Variants in ATRNL1 observed in about 807,000 individuals in gnomAD.
The protein encoded by ATRNL1 is attractin-like protein 1.
In ATRNL1, 95 loss-of-function variants were observed where a neutral mutation model predicts 182.7. The ratio of observed to expected loss-of-function variants is 0.52; its 90% CI spans 0.44 to 0.62. The LOEUF (loss-of-function observed/expected upper bound fraction) is 0.62, where lower values mean the gene tolerates loss of function less well. Among genes scored for constraint, ATRNL1 ranks in the 20% least tolerant of loss-of-function variants. The pLI, the probability that ATRNL1 is intolerant of heterozygous loss-of-function variation, is 0.00. For missense variants in ATRNL1, 1,471 were observed against 1,679.5 expected (o/e 0.88, Z 2.17); for synonymous variants, 576 against 568.3 (o/e 1.01, Z -0.19).
chr10:115,189,160 T>C (rs1414377488), intron 8 of ATRNL1, among the ~76,000 whole-genome samples: 17 of 152,182 alleles, frequency 1.1e-4, no homozygotes, highest in African/African-American at 3.9e-4. Flanking sequence ...GTGCAATGCA[T>C]TGCTCATGTG....
intron 26 of ATRNL1, among the ~76,000 whole-genome samples, chr10:115,687,749 G>A (rs1448065292): frequency 6.6e-6 from 1 of 151,924 alleles, no homozygotes; most frequent in Admixed American, 6.6e-5. Flanking sequence ...ATTATATAAT[G>A]TTCAATTCAG....
At chr10:115,746,258 A>G (rs1378896042) in intron 27 of ATRNL1, among the ~76,000 whole-genome samples, 1 of 152,112 alleles carries the variant, frequency 6.6e-6, no homozygotes, top group Non-Finnish European at 1.5e-5. Context: ...TTTTTGATTT[A>G]TCATATTAGT....
At chr10:115,812,002 G>C (rs1279841316) in intron 27 of ATRNL1, among the ~76,000 whole-genome samples, 1 of 151,834 alleles carries the variant, frequency 6.6e-6, no homozygotes, top group Non-Finnish European at 1.5e-5. Context: ...TATTTTTATG[G>C]TAAAATACAC....
intron 5 of ATRNL1, among the ~76,000 whole-genome samples, chr10:115,158,473 T>G (rs1846626714): frequency 1.3e-5 from 2 of 152,088 alleles, no homozygotes. Context: ...TATCTCTGAT[T>G]ACTAAGGAAT....
At chr10:115,122,324 G>A (rs1177496516) in intron 3 of ATRNL1, among the ~76,000 whole-genome samples, 6 of 151,710 alleles carry the variant, frequency 4.0e-5, no homozygotes, top group African/African-American at 1.5e-4. Flanking sequence ...TAGTCGTAAG[G>A]TAGATTATTA....
chr10:115,196,616 C>T (rs1336038731), intron 8 of ATRNL1, among the ~76,000 whole-genome samples: 1 of 151,816 alleles, frequency 6.6e-6, no homozygotes, highest in African/African-American at 2.4e-5. Flanking sequence ...TTATATTTTT[C>T]AATATACTGG....
intron 28 of ATRNL1, among the ~76,000 whole-genome samples, chr10:115,926,783 A>C (rs1953249615): frequency 6.6e-6 from 1 of 152,006 alleles, no homozygotes; most frequent in South Asian, 2.1e-4. Flanking sequence ...CTACCAACCA[A>C]AAAAAAGTCT....
At chr10:115,339,776 T>C (rs1855652429) in intron 19 of ATRNL1, among the ~76,000 whole-genome samples, 1 of 152,150 alleles carries the variant, frequency 6.6e-6, no homozygotes, top group Non-Finnish European at 1.5e-5. Context: ...CCTTATTGTG[T>C]TCCAGATTTT....
intron 28 of ATRNL1, among the ~76,000 whole-genome samples, chr10:115,890,803 A>G (rs979819114): frequency 6.6e-6 from 1 of 152,172 alleles, no homozygotes; most frequent in Non-Finnish European, 1.5e-5. Context: ...CCTTCGGTTT[A>G]CAGGTTTGCT....
chr10:115,130,019 G>C (rs990819752), intron 5 of ATRNL1, among the ~76,000 whole-genome samples: 8 of 152,064 alleles, frequency 5.3e-5, no homozygotes, highest in Non-Finnish European at 1.0e-4. Flanking sequence ...AAGTATTTTA[G>C]CTGCCTATTG....
chr10:115,474,568 G>T (rs1028213640), intron 24 of ATRNL1, among the ~76,000 whole-genome samples: 4 of 151,126 alleles, frequency 2.6e-5, no homozygotes, highest in African/African-American at 4.8e-5. Flanking sequence ...GTGAAATAGA[G>T]CAGGGATGGA....
At chr10:115,157,776 A>G (rs1227794969) in intron 5 of ATRNL1, among the ~76,000 whole-genome samples, 1 of 152,092 alleles carries the variant, frequency 6.6e-6, no homozygotes, top group Non-Finnish European at 1.5e-5. Context: ...GTAAAATCCA[A>G]AGCTTCTGGT....
Position 115,334,502 on chromosome 10 carries a change from A to G in ATRNL1, c.3175+83A>G, listed in dbSNP as rs546813524. The G allele has an allele frequency of 4.8e-6, 5 of 1,043,432 alleles. No homozygotes were observed. In the East Asian group the frequency reaches 1.4e-4, roughly 28 times the overall value. The allele number at this position is 1,043,432 out of a possible 1,614,324, so 64.6% of individuals were successfully genotyped here. A position where few individuals can be genotyped will look rare whatever the true frequency, so the allele number is the denominator to read the frequency against. ...AAGCAGCGCCTGTTGTGGAGAATAT[A>G]TACTACTACAGAAAATTTTTTACTC... On this transcript the variant is annotated intron_variant, in intron 19 of 28. Transcript: ENST00000355044.
intron 26 of ATRNL1, among the ~76,000 whole-genome samples, chr10:115,646,326 A>G (rs150629446): frequency 1.3e-5 from 2 of 152,220 alleles, no homozygotes; most frequent in Non-Finnish European, 1.5e-5. Context: ...ATAATAACCA[A>G]AGGAATGTAT....
chr10:115,309,864 C>T (rs781993905), intron 17 of ATRNL1, among the ~76,000 whole-genome samples: 4 of 151,990 alleles, frequency 2.6e-5, no homozygotes, highest in Non-Finnish European at 4.4e-5. Flanking sequence ...CCTGATTGAT[C>T]TGGGTAGGAT....
chr10:115,735,127 C>T (rs1201404705), intron 27 of ATRNL1, among the ~76,000 whole-genome samples: 5 of 152,104 alleles, frequency 3.3e-5, no homozygotes, highest in African/African-American at 1.2e-4. Flanking sequence ...TTTCTTGGCT[C>T]ACAGTTGTTC....
chr10:115,223,929 A>ATTTTTTTTTTTTTTT (rs1223695295), intron 9 of ATRNL1, among the ~76,000 whole-genome samples: 19 of 44,730 alleles, frequency 4.2e-4, no homozygotes, highest in Non-Finnish European at 5.8e-4. Context: ...ATATATATAT[A>ATTTTTTTTTTTTTTT]TTTTTTTTTT....
intron 27 of ATRNL1, among the ~76,000 whole-genome samples, chr10:115,837,292 A>G (rs142608421): frequency 0.01 from 1,582 of 152,232 alleles, 29 homozygotes; most frequent in African/African-American, 0.037. Context: ...CTGTCTTGTG[A>G]GTTCCATAAC....
chr10:115,256,768 G>A (rs1379064208), intron 10 of ATRNL1, among the ~76,000 whole-genome samples: 1 of 152,042 alleles, frequency 6.6e-6, no homozygotes, highest in Non-Finnish European at 1.5e-5. Context: ...TCTCTTGTGG[G>A]CATTTAGTGC....
Sources: allele counts gnomAD v4.1 joint callset (sites outside exome capture counted in the v4.1 genomes callset), GRCh38; gene constraint gnomAD v4.1.1; transcripts MANE v1.5; gene names NCBI Gene and HGNC (gene_info 2026-07-23, HGNC 2026-07-21).